Variants in DPP6 observed in about 807,000 individuals in gnomAD.
DPP6 encodes A-type potassium channel modulatory protein DPP6.
A neutral mutation model predicts 122.6 loss-of-function variants in DPP6; 69 were observed. The observed-to-expected ratio is 0.56, with a 90% CI of 0.46 to 0.69. The LOEUF is 0.69. DPP6 is among the 30% of genes least tolerant of loss of function. The pLI is 0.00. For synonymous variants in DPP6, 418 were observed against 433.1 expected, an observed-to-expected ratio of 0.97 and a Z score of 0.43; for missense variants, 928 against 1,116.9, an observed-to-expected ratio of 0.83 and a Z score of 2.41.
chr7:154,843,840 T>TGGACC (rs2150557516), intron 16 of DPP6, among the ~76,000 whole-genome samples: 1 of 152,356 alleles, frequency 6.6e-6, no homozygotes, highest in African/African-American at 2.4e-5. Context: ...CTCTGAACCA[T>TGGACC]GGACCGCGTC....
At chr7:154,515,766 G>A (rs899410491) in intron 3 of DPP6, among the ~76,000 whole-genome samples, 2 of 152,090 alleles carry the variant, frequency 1.3e-5, no homozygotes, top group East Asian at 1.9e-4. Context: ...GAGCTATTGC[G>A]CCTGGCCTGT....
At chr7:154,749,670 GA>G in intron 8 of DPP6, among the ~76,000 whole-genome samples, 1 of 89,866 alleles carries the variant, frequency 1.1e-5, no homozygotes, top group Non-Finnish European at 2.3e-5. Context: ...ATTACTGAGA[GA>G]GGATGAGAGA....
the DPP6 span, among the ~76,000 whole-genome samples, chr7:153,830,266 G>C: frequency 2.0e-5 from 3 of 152,170 alleles, no homozygotes. Context: ...AATAACTTAG[G>C]AAGAAATATG....
chr7:153,787,743 T>C, the DPP6 span, among the ~76,000 whole-genome samples: 4 of 151,554 alleles, frequency 2.6e-5, no homozygotes, highest in Non-Finnish European at 4.4e-5. Flanking sequence ...GGTGAGAACT[T>C]GTCTCTAAAA....
intron 1 of DPP6, among the ~76,000 whole-genome samples, chr7:154,140,063 G>T (rs148699816): frequency 2.0e-4 from 31 of 152,120 alleles, no homozygotes; most frequent in Non-Finnish European, 3.8e-4. Context: ...GGTCTGATGG[G>T]GGGTAGCTGC....
intron 7 of DPP6, among the ~76,000 whole-genome samples, chr7:154,724,830 G>A (rs189496525): frequency 1.3e-5 from 2 of 152,160 alleles, no homozygotes; most frequent in African/African-American, 4.8e-5. Flanking sequence ...AAGAGGGAAA[G>A]GTTCTGCAGA....
intron 23 of DPP6, among the ~76,000 whole-genome samples, chr7:154,888,176 C>A (rs1806318889): frequency 6.6e-6 from 1 of 150,954 alleles, no homozygotes; most frequent in Non-Finnish European, 1.5e-5. Context: ...GCAACCTCTG[C>A]CTCCCAGGTT....
chr7:153,954,685 C>T (rs566047054), intron 1 of DPP6, among the ~76,000 whole-genome samples: 11 of 152,228 alleles, frequency 7.2e-5, no homozygotes, highest in African/African-American at 2.6e-4. Context: ...CAGTTGAAGG[C>T]CCAAATAGAG....
rs867944298 is a variant in DPP6 at position 154,483,765 on chromosome 7, G to A, written c.457+8728G>A. Among the ~76,000 whole-genome samples, 2 of 152,182 alleles carry A rather than the reference G, an allele frequency of 1.3e-5. No homozygotes were observed. The highest frequency in any genetic ancestry group is 2.9e-5 in the Non-Finnish European group (2 of 68,030). On this transcript the variant is annotated intron_variant, in intron 3 of 25. Transcript: ENST00000377770. This position sits in a 1 kb window ranked among gnomAD's most constrained non-coding sequence, Gnocchi z 8.1. ...GCTGGAGTGCAGTGGCACAATCTTG[G>A]CTCACTGCAACCTCCACCTCCCGGG...
At chr7:154,159,502 C>G (rs1314242442) in intron 1 of DPP6, among the ~76,000 whole-genome samples, 3 of 152,250 alleles carry the variant, frequency 2.0e-5, no homozygotes, top group African/African-American at 7.2e-5. Context: ...GTCTTTGATC[C>G]TGTCTGCTTT....
intron 1 of DPP6, among the ~76,000 whole-genome samples, chr7:154,240,597 T>G (rs1378642828): frequency 6.6e-6 from 1 of 152,236 alleles, no homozygotes; most frequent in Non-Finnish European, 1.5e-5. Flanking sequence ...GTCAGAGATG[T>G]TGGAATCCTG....
intron 8 of DPP6, among the ~76,000 whole-genome samples, chr7:154,730,981 T>G (rs913767449): frequency 6.6e-6 from 1 of 152,264 alleles, no homozygotes; most frequent in African/African-American, 2.4e-5. Context: ...CCTAAATATT[T>G]TAAATCAATC....
At chr7:154,708,459 A>C (rs1041464396) in intron 7 of DPP6, among the ~76,000 whole-genome samples, 2 of 152,224 alleles carry the variant, frequency 1.3e-5, no homozygotes, top group African/African-American at 4.8e-5. Flanking sequence ...TAAACAAAAC[A>C]TTGTAATAAG....
chr7:153,987,551 T>G (rs1464050884), intron 1 of DPP6, among the ~76,000 whole-genome samples: 1 of 140,888 alleles, frequency 7.1e-6, no homozygotes, highest in Non-Finnish European at 1.6e-5. Context: ...AGAAATGAAT[T>G]CAAACCATTT....
At chr7:154,153,424 C>A (rs191030356) in intron 1 of DPP6, among the ~76,000 whole-genome samples, 5 of 152,290 alleles carry the variant, frequency 3.3e-5, no homozygotes, top group African/African-American at 1.2e-4. Flanking sequence ...TGATCTCAGG[C>A]GATCTGCCCA....
At chr7:154,538,517 G>C (rs1232052949) in intron 3 of DPP6, among the ~76,000 whole-genome samples, 2 of 152,084 alleles carry the variant, frequency 1.3e-5, no homozygotes, top group African/African-American at 4.8e-5. Flanking sequence ...TGTGGGGGCG[G>C]GGTAGAAGCA....
intron 16 of DPP6, among the ~76,000 whole-genome samples, chr7:154,810,670 G>GC (rs1799000632): frequency 6.6e-6 from 1 of 151,980 alleles, no homozygotes; most frequent in Non-Finnish European, 1.5e-5. Flanking sequence ...GACTGACCCA[G>GC]CCCCCAGGTA....
At chr7:153,875,634 A>G in the DPP6 span, among the ~76,000 whole-genome samples, 8 of 152,222 alleles carry the variant, frequency 5.3e-5, no homozygotes, top group Non-Finnish European at 1.0e-4. Flanking sequence ...ATGATTATCA[A>G]TATAAGATTC....
At chr7:154,240,336 G>A (rs1273390094) in intron 1 of DPP6, among the ~76,000 whole-genome samples, 2 of 152,100 alleles carry the variant, frequency 1.3e-5, no homozygotes, top group African/African-American at 4.8e-5. Context: ...CAAGCAGTAA[G>A]GATGAAAAAA....
Sources: allele counts gnomAD v4.1 joint callset (sites outside exome capture counted in the v4.1 genomes callset), GRCh38; gene constraint gnomAD v4.1.1; non-coding constraint Gnocchi (gnomAD v3.1); transcripts MANE v1.5; gene names NCBI Gene and HGNC (gene_info 2026-07-23, HGNC 2026-07-21).